Variants in SARNP observed in about 807,000 individuals in gnomAD.
The protein encoded by SARNP is SAP domain containing ribonucleoprotein, also known as SAP domain-containing ribonucleoprotein.
A neutral mutation model predicts 38.1 loss-of-function variants in SARNP; 5 were observed. The ratio of observed to expected loss-of-function variants is 0.13; its 90% CI spans 0.07 to 0.28. SARNP has a LOEUF of 0.28. Among genes scored for constraint, SARNP ranks in the 10% least tolerant of loss-of-function variants. SARNP has a pLI of 1.00. For synonymous variants in SARNP, 84 were observed against 80.6 expected (o/e 1.04, Z -0.23); for missense variants, 180 against 243.9 (o/e 0.74, Z 1.75).
At position 55,770,530 on chromosome 12, in the gene SARNP, C is replaced by T. The variant is rs965004657; in HGVS notation, c.502-9890G>A. Among the ~76,000 whole-genome samples the T allele has an allele frequency of 2.9e-4, 44 of 152,024 alleles. 1 individual carries two copies. The highest frequency in any genetic ancestry group is 7.9e-4 in the Admixed American group (12 of 15,240). On this transcript the variant is annotated intron_variant, in intron 9 of 10. Coordinates refer to ENST00000336133, the MANE Select transcript of SARNP (RefSeq NM_033082.4). ...CTGTGATTACAGGCATGAGCCACCA[C>T]GCCCAGCCTATAACTAGAAATTTTA...
chr12:55,805,135 G>A (rs187506859), intron 1 of SARNP, among the ~76,000 whole-genome samples: 10 of 152,262 alleles, frequency 6.6e-5, no homozygotes, highest in South Asian at 2.1e-4. Flanking sequence ...GGTGGCAGGC[G>A]CCTGTAGTCC....
chr12:55,754,340 G>A (rs923649387), downstream of SARNP: 4 of 152,204 alleles, frequency 2.6e-5, no homozygotes, highest in African/African-American at 9.7e-5. Flanking sequence ...CCGAAGGCAT[G>A]GGAAGCTATC....
chr12:55,777,528 C>T (rs754733928), intron 9 of SARNP, among the ~76,000 whole-genome samples: 1 of 151,942 alleles, frequency 6.6e-6, no homozygotes, highest in Non-Finnish European at 1.5e-5. Flanking sequence ...GCACATGCCA[C>T]CATGCGCTGC....
intron 9 of SARNP, among the ~76,000 whole-genome samples, chr12:55,765,370 G>A (rs1010716346): frequency 5.9e-5 from 9 of 152,172 alleles, no homozygotes; most frequent in African/African-American, 1.2e-4. Flanking sequence ...TTTAGAGACA[G>A]GGCCTCACTC....
chr12:55,798,391 C>G (rs1879879694), intron 4 of SARNP, among the ~76,000 whole-genome samples: 1 of 152,070 alleles, frequency 6.6e-6, no homozygotes. Context: ...TCCAGCTACT[C>G]AGGAGGCTGA....
intron 2 of SARNP, 150 bp from the exon 3 acceptor site, chr12:55,801,050 GAAGAT>G (rs1222022828): frequency 1.5e-6 from 1 of 668,080 alleles, no homozygotes; most frequent in Admixed American, 2.3e-5. Context: ...TACATCTGGA[GAAGAT>G]AAAACCAGAT....
intron 3 of SARNP, 42 bp downstream of exon 3, chr12:55,800,812 G>C: frequency 6.5e-7 from 1 of 1,539,730 alleles, no homozygotes; most frequent in Non-Finnish European, 9.0e-7. Context: ...GGCCAAAGCA[G>C]TGGCACATTA....
chr12:55,767,614 G>C (rs371002757), intron 9 of SARNP, among the ~76,000 whole-genome samples: 1 of 151,982 alleles, frequency 6.6e-6, no homozygotes, highest in East Asian at 1.9e-4. Flanking sequence ...TTGGGAGGCC[G>C]AGACGGGTGG....
chr12:55,815,762 C>T (rs912050626), intron 1 of SARNP: 4 of 152,226 alleles, frequency 2.6e-5, no homozygotes, highest in Non-Finnish European at 4.4e-5. Context: ...CCACGCCCAG[C>T]TAAAGGCATG....
chr12:55,779,424 G>A (rs2136188716), intron 9 of SARNP, among the ~76,000 whole-genome samples: 1 of 152,294 alleles, frequency 6.6e-6, no homozygotes, highest in Non-Finnish European at 1.5e-5. Flanking sequence ...CTAAGCCTAG[G>A]CACTGCTGCT....
intron 1 of SARNP, among the ~76,000 whole-genome samples, chr12:55,810,042 C>A (rs1880279351): frequency 6.6e-6 from 1 of 152,200 alleles, no homozygotes; most frequent in African/African-American, 2.4e-5. Flanking sequence ...ACCTATCCAA[C>A]CCACAGAGAA....
At chr12:55,792,257 CAAG>C (rs1484043256) in intron 7 of SARNP, among the ~76,000 whole-genome samples, 5 of 152,084 alleles carry the variant, frequency 3.3e-5, no homozygotes, top group African/African-American at 1.2e-4. Context: ...CAAAACACTA[CAAG>C]AAGATCTCTG....
At chr12:55,786,659 C>G (rs1879504950) in intron 9 of SARNP, among the ~76,000 whole-genome samples, 1 of 152,132 alleles carries the variant, frequency 6.6e-6, no homozygotes, top group African/African-American at 2.4e-5. Flanking sequence ...CCATCTTGGC[C>G]AGGCTGGTCT....
intron 9 of SARNP, among the ~76,000 whole-genome samples, chr12:55,764,407 T>C (rs773141339): frequency 6.6e-6 from 1 of 151,492 alleles, no homozygotes; most frequent in Non-Finnish European, 1.5e-5. Context: ...GGCGCATGCC[T>C]GTAATCCCAG....
chr12:55,815,731 T>C (rs1370379113), intron 1 of SARNP, among the ~76,000 whole-genome samples: 1 of 152,120 alleles, frequency 6.6e-6, no homozygotes, highest in Non-Finnish European at 1.5e-5. Flanking sequence ...CCCAAAGTGC[T>C]AGGATTACAG....
At chr12:55,786,878 T>C (rs542833818) in intron 9 of SARNP, among the ~76,000 whole-genome samples, 27 of 152,164 alleles carry the variant, frequency 1.8e-4, no homozygotes, top group Non-Finnish European at 3.7e-4. Context: ...TGAGCACCAA[T>C]GGTCTCAGCA....
At chr12:55,790,909 G>T (rs1253103386) in intron 7 of SARNP, among the ~76,000 whole-genome samples, 1 of 152,166 alleles carries the variant, frequency 6.6e-6, no homozygotes, top group Non-Finnish European at 1.5e-5. Context: ...AATGTTCACA[G>T]CAGCATTATT....
intron 9 of SARNP, among the ~76,000 whole-genome samples, chr12:55,772,352 C>G (rs184596634): frequency 7.6e-4 from 116 of 152,194 alleles, no homozygotes; most frequent in African/African-American, 2.6e-3. Flanking sequence ...TAGAGAACAC[C>G]AGGAATTGCA....
At chr12:55,774,575 C>CAAAAAAAAA (rs1187594580) in intron 9 of SARNP, among the ~76,000 whole-genome samples, 1 of 41,212 alleles carries the variant, frequency 2.4e-5, no homozygotes, top group African/African-American at 1.3e-4. Context: ...AAAAAAAAAA[C>CAAAAAAAAA]AAACAAAAAA....
Sources: gnomAD v4.1 joint callset for allele counts (sites outside exome capture counted in the v4.1 genomes callset) on GRCh38, gnomAD v4.1.1 for gene constraint, MANE v1.5 for transcripts, NCBI Gene and HGNC (gene_info 2026-07-23, HGNC 2026-07-21) for gene names.